The following AOPEP variants were observed in gnomAD, a reference collection of about 807,000 sequenced individuals.
AOPEP encodes the protein aminopeptidase O.
Under a neutral mutation model 98.1 loss-of-function variants are expected in AOPEP, and 77 were observed. That is an observed-to-expected ratio of 0.78 (90% confidence interval 0.65 to 0.95). The LOEUF is 0.95. Among genes scored for constraint, AOPEP ranks in the 40% least tolerant of loss-of-function variants. The probability of loss-of-function intolerance (pLI) is 0.00; values close to 1 mark genes in which losing one functional copy is unlikely to be tolerated. For synonymous variants in AOPEP, 346 were observed against 365.3 expected (o/e 0.95, Z 0.60); for missense variants, 1,024 against 1,024.7 (o/e 1.00, Z 0.01).
chr9:94,975,909 T>G (rs1278537856), intron 10 of AOPEP, among the ~76,000 whole-genome samples: 1 of 152,130 alleles, frequency 6.6e-6, no homozygotes, highest in Non-Finnish European at 1.5e-5. Context: ...CTGAACGGAG[T>G]CTGCACACTA....
intron 1 of AOPEP, among the ~76,000 whole-genome samples, chr9:94,738,735 G>A (rs1285639580): frequency 5.9e-5 from 9 of 151,992 alleles, no homozygotes; most frequent in Admixed American, 4.6e-4. Context: ...CACCACGCTT[G>A]GCTAATTTTT....
intron 13 of AOPEP, among the ~76,000 whole-genome samples, chr9:95,044,493 A>C (rs1043025989): frequency 5.3e-5 from 8 of 152,210 alleles, no homozygotes; most frequent in Admixed American, 4.6e-4. Flanking sequence ...TGTATGGCAG[A>C]ATAGCGTAAC....
At chr9:95,080,596 C>A in intron 14 of AOPEP, 98 bp from the exon 15 acceptor site, 1 of 767,512 alleles carries the variant, frequency 1.3e-6, no homozygotes, top group Non-Finnish European at 2.3e-6. Flanking sequence ...CATTTGAGAG[C>A]ACAGCTTTCC....
intron 3 of AOPEP, among the ~76,000 whole-genome samples, chr9:94,787,750 A>G (rs963532865): frequency 2.0e-4 from 31 of 152,186 alleles, no homozygotes; most frequent in Non-Finnish European, 5.9e-5. Context: ...AATATGCAAT[A>G]TTTAAAGAGT....
rs139840196 is a variant in AOPEP at position 94,805,848 on chromosome 9, T to C, written c.1364+4846T>C. Among the ~76,000 whole-genome samples the C allele has an allele frequency of 1.3e-4, 20 of 152,338 alleles. 1 individual carries two copies. The East Asian group carries it at 3.9e-3, about 29-fold the overall frequency. On this transcript the variant is annotated intron_variant, in intron 5 of 16. Transcript: ENST00000375315. ...CTGTTTATTCTTATCTCCCAGCCAA[T>C]GTGTAATAGAATAAGCAAAACATAA...
At chr9:94,940,878 G>A (rs1384530946) in intron 7 of AOPEP, among the ~76,000 whole-genome samples, 2 of 151,960 alleles carry the variant, frequency 1.3e-5, no homozygotes, top group Admixed American at 1.3e-4. Context: ...GACCACACAA[G>A]GCATCTGCTC....
chr9:94,984,813 T>TA, intron 11 of AOPEP, among the ~76,000 whole-genome samples: 1 of 152,170 alleles, frequency 6.6e-6, no homozygotes, highest in Non-Finnish European at 1.5e-5. Flanking sequence ...ACAGAATAGA[T>TA]ATGAGTGAAA....
chr9:94,888,502 T>G (rs1323084826), intron 5 of AOPEP, among the ~76,000 whole-genome samples: 1 of 152,178 alleles, frequency 6.6e-6, no homozygotes, highest in East Asian at 1.9e-4. Flanking sequence ...TTATTCAGAT[T>G]TCAGCAGTTA....
intron 13 of AOPEP, among the ~76,000 whole-genome samples, chr9:95,037,741 C>T (rs921396110): frequency 6.6e-6 from 1 of 152,152 alleles, no homozygotes; most frequent in African/African-American, 2.4e-5. Context: ...TTCAGCTGCT[C>T]TTGGGGAAGG....
chr9:94,958,210 A>G (rs192773729), intron 9 of AOPEP, among the ~76,000 whole-genome samples: 2 of 151,630 alleles, frequency 1.3e-5, no homozygotes, highest in East Asian at 1.9e-4. Flanking sequence ...ATGTTGCAGC[A>G]TGTACCAGAA....
chr9:95,078,043 G>T (rs1442502873), intron 14 of AOPEP, among the ~76,000 whole-genome samples: 1 of 152,118 alleles, frequency 6.6e-6, no homozygotes, highest in Non-Finnish European at 1.5e-5. Flanking sequence ...CTCTTGATGG[G>T]GTGGGAAAGG....
At chr9:94,893,413 G>A (rs1013059601) in intron 5 of AOPEP, among the ~76,000 whole-genome samples, 1 of 152,114 alleles carries the variant, frequency 6.6e-6, no homozygotes, top group Non-Finnish European at 1.5e-5. Flanking sequence ...AGGGCAGGTG[G>A]CCTGGTTTCA....
At chr9:95,115,930 A>G in the AOPEP span, among the ~76,000 whole-genome samples, 177 of 152,338 alleles carry the variant, frequency 1.2e-3, no homozygotes, top group South Asian at 1.9e-3. Flanking sequence ...AATTTCTGAT[A>G]AACAGAAGAT....
At position 94,759,902 on chromosome 9, in the gene AOPEP, A is replaced by AG; in HGVS notation, c.123dup (p.Thr42AspfsTer17). On this transcript the variant is annotated frameshift_variant, in exon 2 of 17. Coordinates refer to ENST00000375315, the MANE Select transcript of AOPEP (RefSeq NM_001193329.3). LOFTEE classifies it high-confidence loss of function. ...GTGGATTTTGAAAGTCAAGTCATTG[A>AG]GGGGACCATAGTGCTTTTCCTCGAG... 6.2e-7 allele frequency: 1 copy of AG among 1,614,188 alleles called. No homozygotes were observed. The highest frequency in any genetic ancestry group is 2.2e-5 in the East Asian group (1 of 44,882).
intron 14 of AOPEP, among the ~76,000 whole-genome samples, chr9:95,076,377 C>T (rs1384651195): frequency 6.6e-6 from 1 of 152,202 alleles, no homozygotes; most frequent in Non-Finnish European, 1.5e-5. Flanking sequence ...GGATGACCCA[C>T]ACCTTGTGTT....
chr9:95,134,642 T>A, the AOPEP span, among the ~76,000 whole-genome samples: 1 of 152,222 alleles, frequency 6.6e-6, no homozygotes, highest in East Asian at 1.9e-4. Context: ...TCAGGGTGCC[T>A]TGGTCTTTAT....
At chr9:94,729,073 A>G (rs944200896) in intron 1 of AOPEP, among the ~76,000 whole-genome samples, 9 of 152,224 alleles carry the variant, frequency 5.9e-5, no homozygotes, top group African/African-American at 1.4e-4. Context: ...GTTGGAGTCT[A>G]TGAATATCTA....
rs571417374 is a variant in AOPEP, at chr9:95,013,493, T to C, written c.2115+7877T>C. Among the ~76,000 whole-genome samples, 38 of 152,206 alleles carry C rather than the reference T, an allele frequency of 2.5e-4. No individual in the cohort carries two copies. In the South Asian group the frequency reaches 7.9e-3, roughly 32 times the overall value. On this transcript the variant is annotated intron_variant, in intron 13 of 16. Coordinates refer to ENST00000375315, the MANE Select transcript of AOPEP (RefSeq NM_001193329.3). ...CAATATAATCTCCTCATTATTCCCT[T>C]CTTGATGGTTGGACTGTGTCTACAA... is the stretch of plus-strand genomic sequence containing the variant.
intron 5 of AOPEP, among the ~76,000 whole-genome samples, chr9:94,851,311 C>G (rs2043520977): frequency 6.6e-6 from 1 of 152,138 alleles, no homozygotes; most frequent in African/African-American, 2.4e-5. Flanking sequence ...CCAGTAAGAG[C>G]CTCCTTTAAT....
Sources: gnomAD v4.1 joint callset for allele counts (sites outside exome capture counted in the v4.1 genomes callset) on GRCh38, gnomAD v4.1.1 for gene constraint, MANE v1.5 for transcripts, NCBI Gene and HGNC (gene_info 2026-07-23, HGNC 2026-07-21) for gene names.